CCDC181: variants seen among roughly 807,000 people sequenced by gnomAD.
The protein encoded by CCDC181 is coiled-coil domain containing 181, also known as coiled-coil domain-containing protein 181.
Under a neutral mutation model 58.7 loss-of-function variants are expected in CCDC181, and 35 were observed. The ratio of observed to expected loss-of-function variants is 0.60; its 90% confidence interval spans 0.46 to 0.79. The LOEUF (loss-of-function observed/expected upper bound fraction) is 0.79, where lower values mean the gene tolerates loss of function less well. CCDC181 is among the 30% of genes least tolerant of loss of function. The probability of loss-of-function intolerance (pLI) is 0.00; values close to 1 mark genes in which losing one functional copy is unlikely to be tolerated. For synonymous variants in CCDC181, 183 were observed against 197.5 expected, an observed-to-expected ratio of 0.93 and a Z score of 0.62; for missense variants, 517 against 583.9, an observed-to-expected ratio of 0.89 and a Z score of 1.18.
chr1:169,430,685 A>C (rs990224458), upstream of CCDC181, among the ~76,000 whole-genome samples: 2 of 152,034 alleles, frequency 1.3e-5, no homozygotes, highest in African/African-American at 4.8e-5. Flanking sequence ...AAAAACACAC[A>C]AATAAAGCAA....
intron 4 of CCDC181, among the ~76,000 whole-genome samples, chr1:169,398,715 C>G (rs576223622): frequency 6.6e-6 from 1 of 152,318 alleles, no homozygotes; most frequent in African/African-American, 2.4e-5. Flanking sequence ...AGCAGCTACT[C>G]TAATGGACAG....
chr1:169,454,100 C>A (rs1334846738), intron 2 of CCDC181, among the ~76,000 whole-genome samples: 2 of 151,896 alleles, frequency 1.3e-5, no homozygotes, highest in East Asian at 3.9e-4. Flanking sequence ...TTAGAATGTA[C>A]TCATTATAAA....
chr1:169,418,590 TTC>T lies in CCDC181; in HGVS notation c.1215+421_1215+422del, dbSNP rs930035926. ...GAATGATTTTTAAATTTTCTCTATT[TTC>T]TGTTTTAGTTTTTTTAATTCTTTTA... On this transcript the variant is annotated intron_variant, in intron 4 of 5. Transcript: ENST00000367806. Among the ~76,000 whole-genome samples the T allele has an allele frequency of 8.6e-5, 13 of 151,936 alleles. No homozygotes were observed. In the South Asian group the frequency reaches 1.2e-3, roughly 15 times the overall value.
At chr1:169,409,107 G>A (rs1008387770) in intron 4 of CCDC181, among the ~76,000 whole-genome samples, 1 of 152,166 alleles carries the variant, frequency 6.6e-6, no homozygotes, top group Non-Finnish European at 1.5e-5. Context: ...AAAGGAGCAT[G>A]TTCTAACACA....
At chr1:169,436,226 A>G (rs982170829) in intron 2 of CCDC181, among the ~76,000 whole-genome samples, 1 of 151,898 alleles carries the variant, frequency 6.6e-6, no homozygotes, top group African/African-American at 2.4e-5. Context: ...CACCAGAAAA[A>G]AAAAATGCTT....
intron 2 of CCDC181, among the ~76,000 whole-genome samples, chr1:169,444,445 G>C (rs180735786): frequency 6.6e-6 from 1 of 152,250 alleles, no homozygotes; most frequent in African/African-American, 2.4e-5. Flanking sequence ...AGGGCCTTCA[G>C]TAGCATTTTT....
intron 2 of CCDC181, chr1:169,452,750 CTAAA>C (rs1354591877): frequency 2.0e-5 from 3 of 152,014 alleles, no homozygotes; most frequent in African/African-American, 7.2e-5. Flanking sequence ...TGGATTCTGA[CTAAA>C]TGAGAGTTAA....
At chr1:169,427,942 T>G (rs1656787426), upstream of CCDC181, among the ~76,000 whole-genome samples, 1 of 152,180 alleles carries the variant, frequency 6.6e-6, no homozygotes, top group Non-Finnish European at 1.5e-5. Context: ...CTGCTTATCT[T>G]TATGTATAAA....
intron 4 of CCDC181, among the ~76,000 whole-genome samples, chr1:169,405,030 G>A (rs1655573595): frequency 6.6e-6 from 1 of 152,140 alleles, no homozygotes; most frequent in Non-Finnish European, 1.5e-5. Context: ...CAAACAGAGA[G>A]CCAAATCATG....
At chr1:169,440,235 C>G (rs1361676330) in intron 2 of CCDC181, among the ~76,000 whole-genome samples, 1 of 152,234 alleles carries the variant, frequency 6.6e-6, no homozygotes, top group Non-Finnish European at 1.5e-5. Context: ...TCCAAGAGAA[C>G]TAGGCCCACT....
At chr1:169,439,904 C>T (rs908749011) in intron 2 of CCDC181, among the ~76,000 whole-genome samples, 1 of 152,112 alleles carries the variant, frequency 6.6e-6, no homozygotes, top group Non-Finnish European at 1.5e-5. Flanking sequence ...CTCCTCTCAA[C>T]GTTCAGATGC....
intron 2 of CCDC181, among the ~76,000 whole-genome samples, chr1:169,439,622 G>T (rs1339524881): frequency 6.6e-6 from 1 of 152,126 alleles, no homozygotes; most frequent in Non-Finnish European, 1.5e-5. Flanking sequence ...TTTAGCAGTT[G>T]CCATCCACAG....
At chr1:169,414,030 A>T (rs1266950136) in intron 4 of CCDC181, among the ~76,000 whole-genome samples, 2 of 152,168 alleles carry the variant, frequency 1.3e-5, no homozygotes, top group African/African-American at 4.8e-5. Context: ...AAAAAAAATA[A>T]TTAAATACAA....
intron 2 of CCDC181, among the ~76,000 whole-genome samples, chr1:169,447,227 C>T (rs1459475479): frequency 1.3e-5 from 2 of 152,140 alleles, no homozygotes; most frequent in Admixed American, 1.3e-4. Flanking sequence ...ATTCTCCTGC[C>T]TTAGCCTCCC....
chr1:169,433,521 G>A (rs900445149), intron 2 of CCDC181, among the ~76,000 whole-genome samples: 2 of 151,954 alleles, frequency 1.3e-5, no homozygotes, highest in Non-Finnish European at 2.9e-5. Flanking sequence ...AATACTTCCT[G>A]ATTTCAAAAC....
intron 4 of CCDC181, among the ~76,000 whole-genome samples, chr1:169,408,623 C>T (rs921930918): frequency 1.1e-4 from 16 of 152,280 alleles, no homozygotes; most frequent in African/African-American, 3.8e-4. Flanking sequence ...CAGCAGGGGT[C>T]GAGAGACACC....
At chr1:169,417,759 A>C (rs1487662309) in intron 4 of CCDC181, among the ~76,000 whole-genome samples, 1 of 152,130 alleles carries the variant, frequency 6.6e-6, no homozygotes, top group African/African-American at 2.4e-5. Flanking sequence ...TCACCTAAGA[A>C]GTTCCAAGGA....
At chr1:169,447,017 G>C (rs1236055502) in intron 2 of CCDC181, among the ~76,000 whole-genome samples, 1 of 152,054 alleles carries the variant, frequency 6.6e-6, no homozygotes, top group Non-Finnish European at 1.5e-5. Flanking sequence ...CAAATATTTG[G>C]AGACTTTCGA....
intron 2 of CCDC181, among the ~76,000 whole-genome samples, chr1:169,432,880 ACAT>A (rs1423816339): frequency 6.6e-6 from 1 of 152,126 alleles, no homozygotes; most frequent in Non-Finnish European, 1.5e-5. Flanking sequence ...CCCGCACCAA[ACAT>A]CATGCTCAAT....
Sources: gnomAD v4.1 joint callset for allele counts (sites outside exome capture counted in the v4.1 genomes callset) on GRCh38, gnomAD v4.1.1 for gene constraint, MANE v1.5 for transcripts, NCBI Gene and HGNC (gene_info 2026-07-23, HGNC 2026-07-21) for gene names.